FAXC: variants seen among roughly 807,000 people sequenced by gnomAD.
The protein encoded by FAXC is failed axon connections homolog, metaxin like GST domain containing, also known as failed axon connections homolog.
In FAXC, 10 loss-of-function variants were observed where a neutral mutation model predicts 41.9. The ratio of observed to expected loss-of-function variants is 0.24; its 90% CI spans 0.15 to 0.41. FAXC has a LOEUF of 0.41. FAXC is among the 10% of genes least tolerant of loss of function. The probability of loss-of-function intolerance (pLI) is 1.00; values close to 1 mark genes in which losing one functional copy is unlikely to be tolerated. For missense variants in FAXC, 399 were observed against 510.9 expected (o/e 0.78, Z 2.11); for synonymous variants, 183 against 183.8 (o/e 1.00, Z 0.03).
intron 1 of FAXC, among the ~76,000 whole-genome samples, chr6:99,347,213 C>A (rs914884879): frequency 6.6e-6 from 1 of 152,020 alleles, no homozygotes; most frequent in African/African-American, 2.4e-5. Context: ...AGCAGCCTGG[C>A]CAACACGGTG....
intron 2 of FAXC, 78 bp downstream of exon 2, chr6:99,342,820 A>G: frequency 7.0e-7 from 1 of 1,423,624 alleles, no homozygotes; most frequent in East Asian, 2.3e-5. Context: ...GTGTGAGACG[A>G]AATATTCCCC....
chr6:99,322,226 C>T (rs1772620262), intron 4 of FAXC, among the ~76,000 whole-genome samples: 3 of 152,164 alleles, frequency 2.0e-5, no homozygotes, highest in Non-Finnish European at 1.5e-5. Flanking sequence ...ACATAACTCC[C>T]GTAATGAAGC....
rs977656066 is a variant in FAXC at position 99,271,360 on chromosome 6, A to T, written c.*9804T>A. On this transcript the variant is annotated 3_prime_UTR_variant, in exon 6 of 6. Transcript: ENST00000389677. Reference sequence around the variant, plus strand: ...CTGACGTTGAAGTAGATGTAGATCTATTTCAAAGTATTTCTGACTAGGGTC... The same window carrying T: ...CTGACGTTGAAGTAGATGTAGATCTTTTTCAAAGTATTTCTGACTAGGGTC... 1 of 151,972 alleles carries T rather than the reference A, an allele frequency of 6.6e-6. No homozygotes were observed. Among genetic ancestry groups the T allele is most frequent in the Non-Finnish European group, 1.5e-5 (1 of 67,994 alleles). 9.4% of individuals were successfully genotyped at this position (151,972 alleles called of 1,614,324 possible).
chr6:99,305,596 C>T (rs1230687087), intron 4 of FAXC, among the ~76,000 whole-genome samples: 3 of 151,800 alleles, frequency 2.0e-5, no homozygotes, highest in African/African-American at 7.3e-5. Context: ...CAATTTCTAC[C>T]GCATTTAACT....
intron 4 of FAXC, among the ~76,000 whole-genome samples, chr6:99,319,562 T>C (rs984243275): frequency 6.6e-6 from 1 of 152,218 alleles, no homozygotes; most frequent in African/African-American, 2.4e-5. Context: ...CATGCATTAC[T>C]TTTCTTCTCA....
intron 1 of FAXC, among the ~76,000 whole-genome samples, chr6:99,345,873 T>G (rs1773572806): frequency 6.6e-6 from 1 of 152,212 alleles, no homozygotes; most frequent in Admixed American, 6.5e-5. Context: ...AACAAAGTAG[T>G]GTGTTGGAAC....
chr6:99,334,745 G>A (rs1773153220), intron 2 of FAXC: 1 of 205,084 alleles, frequency 4.9e-6, no homozygotes, highest in African/African-American at 2.4e-5. Context: ...ATGCAAATGA[G>A]ACCCAAGAAC....
At chr6:99,308,607 AT>A (rs1312515992) in intron 4 of FAXC, among the ~76,000 whole-genome samples, 1 of 150,810 alleles carries the variant, frequency 6.6e-6, no homozygotes, top group Non-Finnish European at 1.5e-5. Flanking sequence ...GTCATCTATA[AT>A]TCAAAAAAAA....
chr6:99,316,086 C>T (rs188407672), intron 4 of FAXC, among the ~76,000 whole-genome samples: 24 of 152,262 alleles, frequency 1.6e-4, no homozygotes, highest in African/African-American at 5.3e-4. Flanking sequence ...GCACCCTGTA[C>T]CCCACCCTGA....
chr6:99,332,148 A>G (rs1052907568), intron 3 of FAXC, among the ~76,000 whole-genome samples: 1 of 152,202 alleles, frequency 6.6e-6, no homozygotes, highest in Non-Finnish European at 1.5e-5. Flanking sequence ...CTGGGCAAGA[A>G]TCAAAAGTAA....
chr6:99,323,493 C>T lies in FAXC; in HGVS notation c.774G>A (p.Glu258=). ...GHGIGRFSEE[E]IYMLMEKDMR... ...TGTCCTTCTCCATCAGCATGTAAAT[C>T]TCTTCCTCGGAGAAGCGGCCAATGC... Residue 258 remains glutamate (E), a synonymous_variant, in exon 4 of 6, where the codon GAG becomes GAA. Coordinates refer to ENST00000389677, the MANE Select transcript of FAXC (RefSeq NM_032511.4). 1 of 1,614,256 alleles carries T rather than the reference C, an allele frequency of 6.2e-7. No homozygotes were observed. Among genetic ancestry groups the T allele is most frequent in the Non-Finnish European group, 8.5e-7 (1 of 1,180,054 alleles).
intron 4 of FAXC, among the ~76,000 whole-genome samples, chr6:99,315,197 C>T (rs1242283823): frequency 7.4e-6 from 1 of 135,554 alleles, no homozygotes; most frequent in East Asian, 2.2e-4. Flanking sequence ...CACACTACTG[C>T]ACTCCAGCCT....
At chr6:99,349,046 G>A in intron 1 of FAXC, 61 bp downstream of exon 1, 1 of 1,542,446 alleles carries the variant, frequency 6.5e-7, no homozygotes, top group Non-Finnish European at 8.9e-7. Context: ...TCTCGCGCCA[G>A]CCCTGCCCTA....
At chr6:99,307,932 T>TA (rs985165434) in intron 4 of FAXC, among the ~76,000 whole-genome samples, 2 of 150,332 alleles carry the variant, frequency 1.3e-5, no homozygotes, top group East Asian at 1.9e-4. Context: ...AAATGACATT[T>TA]AAAAAAAAAA....
intron 5 of FAXC, among the ~76,000 whole-genome samples, chr6:99,290,531 G>A (rs370972674): frequency 3.9e-4 from 59 of 151,482 alleles, no homozygotes; most frequent in African/African-American, 1.2e-3. Flanking sequence ...GCAAAACCCC[G>A]TCTCTACTAA....
rs751376857 is a variant in FAXC, at chr6:99,349,368, T to G, written c.5A>C (p.His2Pro). 29 of 1,609,324 alleles carry G rather than the reference T, an allele frequency of 1.8e-5. No homozygotes were observed. The East Asian group carries it at 6.0e-4, about 34-fold the overall frequency. ...GGACGAAGCAAAGCCAACCCCCCAG[T>G]GCATGCTGCGCGGCTGGCTCCGGGC... Reference protein sequence around the residue: MHWGVGFASSRP... With the variant: MPWGVGFASSRP... The change falls in exon 1 of 6, where the codon CAC (histidine) becomes CCC (proline). Residue 2 changes from histidine (H) to proline (P), a missense_variant. Coordinates refer to ENST00000389677, the MANE Select transcript of FAXC (RefSeq NM_032511.4).
intron 5 of FAXC, among the ~76,000 whole-genome samples, chr6:99,282,812 A>C (rs770615165): frequency 3.2e-4 from 49 of 152,366 alleles, no homozygotes; most frequent in Non-Finnish European, 5.3e-4. Context: ...AAAAACAGAT[A>C]AGCAAAAAAT....
At chr6:99,296,458 C>G (rs186989635) in intron 4 of FAXC, among the ~76,000 whole-genome samples, 52 of 152,214 alleles carry the variant, frequency 3.4e-4, no homozygotes, top group Non-Finnish European at 6.5e-4. Flanking sequence ...CTGCCAGCCT[C>G]CGAGCTCAGA....
At chr6:99,324,911 G>A (rs1369075606) in intron 3 of FAXC, among the ~76,000 whole-genome samples, 2 of 152,152 alleles carry the variant, frequency 1.3e-5, no homozygotes, top group African/African-American at 4.8e-5. Flanking sequence ...GCCAGGTGTG[G>A]TGGTACATGC....
Sources: gnomAD v4.1 joint callset for allele counts (sites outside exome capture counted in the v4.1 genomes callset) on GRCh38, gnomAD v4.1.1 for gene constraint, MANE v1.5 for transcripts, NCBI Gene and HGNC (gene_info 2026-07-23, HGNC 2026-07-21) for gene names.